TEX36: variants seen among roughly 807,000 people sequenced by gnomAD.
The protein encoded by TEX36 is testis-expressed protein 36.
In TEX36, 12 loss-of-function variants were observed where a neutral mutation model predicts 13.6. The observed-to-expected ratio is 0.88, with a 90% CI of 0.56 to 1.43. The LOEUF (loss-of-function observed/expected upper bound fraction) is 1.43. TEX36 is among the 40% of genes most tolerant of loss of function. TEX36 has a pLI of 0.00. For missense variants in TEX36, 224 were observed against 228.3 expected (o/e 0.98, Z 0.12); for synonymous variants, 93 against 83.0 (o/e 1.12, Z -0.65).
At chr10:125,658,662 A>C (rs1347396103) in intron 3 of TEX36, among the ~76,000 whole-genome samples, 1 of 152,158 alleles carries the variant, frequency 6.6e-6, no homozygotes, top group Non-Finnish European at 1.5e-5. Context: ...TGAGAATCTT[A>C]GATTATACTC....
chr10:125,632,794 G>A (rs2133568549), intron 3 of TEX36, among the ~76,000 whole-genome samples: 1 of 152,244 alleles, frequency 6.6e-6, no homozygotes, highest in East Asian at 1.9e-4. Context: ...GAATAAGCCA[G>A]CTCATGTCTC....
intron 1 of TEX36, among the ~76,000 whole-genome samples, chr10:125,673,853 A>AT (rs1022804756): frequency 6.6e-6 from 1 of 151,256 alleles, no homozygotes; most frequent in African/African-American, 2.4e-5. Context: ...TGACCTTAAC[A>AT]TTTTTTCCTT....
intron 3 of TEX36, among the ~76,000 whole-genome samples, chr10:125,594,016 G>A (rs1846051965): frequency 6.6e-6 from 1 of 152,234 alleles, no homozygotes; most frequent in African/African-American, 2.4e-5. Context: ...GAGTAGCACA[G>A]GAGACAGGCG....
rs181373910 is a variant in TEX36, at chr10:125,629,901, C to T, written c.265-8256G>A. Among the ~76,000 whole-genome samples the T allele has an allele frequency of 3.4e-3, 522 of 152,174 alleles. 4 individuals are homozygous for T. Among genetic ancestry groups the T allele is most frequent in the African/African-American group, 0.011 (475 of 41,492 alleles). ...TTTGGATGAAATTTTTTTTAAGTCA[C>T]TGTGAGATACCAGGGTTAGGTCTGA... is the stretch of plus-strand genomic sequence containing the variant. On this transcript the variant is annotated intron_variant, in intron 3 of 3. Coordinates refer to the TEX36 transcript ENST00000526819.
chr10:125,607,987 G>A (rs918267270), intron 3 of TEX36, among the ~76,000 whole-genome samples: 4 of 152,130 alleles, frequency 2.6e-5, no homozygotes, highest in African/African-American at 9.7e-5. Flanking sequence ...ATGGTTTAAT[G>A]AGTACCTACT....
chr10:125,592,072 T>C (rs1254137800), intron 3 of TEX36, among the ~76,000 whole-genome samples: 1 of 152,246 alleles, frequency 6.6e-6, no homozygotes, highest in Non-Finnish European at 1.5e-5. Context: ...CAGTGAGATC[T>C]TGATTATTTC....
intron 1 of TEX36, among the ~76,000 whole-genome samples, chr10:125,682,305 G>T (rs1376048598): frequency 1.3e-5 from 2 of 152,202 alleles, no homozygotes; most frequent in Non-Finnish European, 2.9e-5. Flanking sequence ...CTCTGTAAGT[G>T]ACATCAGAAG....
chr10:125,675,577 T>TA (rs1248059575), intron 1 of TEX36, among the ~76,000 whole-genome samples: 1 of 152,312 alleles, frequency 6.6e-6, no homozygotes, highest in African/African-American at 2.4e-5. Context: ...GATCTATGGA[T>TA]AAAGCATGGT....
intron 3 of TEX36, among the ~76,000 whole-genome samples, chr10:125,604,356 T>C (rs147344869): frequency 1.3e-5 from 2 of 152,180 alleles, no homozygotes; most frequent in African/African-American, 2.4e-5. Flanking sequence ...GAACTGTGCA[T>C]GCAAGGGACT....
intron 1 of TEX36, among the ~76,000 whole-genome samples, chr10:125,681,961 A>G (rs1847401896): frequency 6.6e-6 from 1 of 152,208 alleles, no homozygotes; most frequent in South Asian, 2.1e-4. Context: ...AAGCCTTCAG[A>G]CCCAAATTTG....
chr10:125,650,712 A>G (rs6597717), downstream of TEX36, among the ~76,000 whole-genome samples: 13,547 of 152,092 alleles, frequency 0.089, 1,604 homozygotes, highest in African/African-American at 0.27. Flanking sequence ...GAATCCAGGA[A>G]CTGGCTTTTT....
chr10:125,598,199 T>C (rs1327011087), intron 3 of TEX36, among the ~76,000 whole-genome samples: 1 of 152,216 alleles, frequency 6.6e-6, no homozygotes, highest in Non-Finnish European at 1.5e-5. Context: ...TGTCACGTTC[T>C]CTGGCCTGTC....
intron 3 of TEX36, among the ~76,000 whole-genome samples, chr10:125,582,066 C>T (rs1845890132): frequency 6.6e-6 from 1 of 152,200 alleles, no homozygotes; most frequent in Admixed American, 6.5e-5. Context: ...CCCTACTCAG[C>T]CAGCTGGAGG....
chr10:125,640,793 C>A (rs995955493), intron 3 of TEX36, among the ~76,000 whole-genome samples: 11 of 152,064 alleles, frequency 7.2e-5, no homozygotes, highest in African/African-American at 2.7e-4. Context: ...CATGCTAGGA[C>A]CAAAGACTGT....
intron 3 of TEX36, among the ~76,000 whole-genome samples, chr10:125,606,530 G>T (rs1371045062): frequency 6.6e-6 from 1 of 152,140 alleles, no homozygotes; most frequent in Non-Finnish European, 1.5e-5. Context: ...GGCTACCACG[G>T]TAAACAATAT....
intron 1 of TEX36, chr10:125,667,636 C>T (rs2133602728): frequency 9.7e-6 from 7 of 720,148 alleles, no homozygotes; most frequent in East Asian, 5.0e-5. Flanking sequence ...CCTTGCTGCC[C>T]CCAACACCAC....
chr10:125,602,749 C>A (rs528305880), intron 3 of TEX36, among the ~76,000 whole-genome samples: 1 of 152,360 alleles, frequency 6.6e-6, no homozygotes, highest in Non-Finnish European at 1.5e-5. Context: ...TCCAAACTCT[C>A]TCCATCCAGA....
At position 125,669,492 on chromosome 10, in the gene TEX36, G is replaced by A. The variant is rs9422791; in HGVS notation, c.52-7515C>T. The stretch of plus-strand genomic sequence containing the variant: ...TGAAACTTTGTCTCAAAAAAAAAAA[G>A]AAAAATTCCTCGGCTTTTGCTGTAT... On this transcript the variant is annotated intron_variant, in intron 1 of 3. Transcript: ENST00000368821. Among the ~76,000 whole-genome samples the A allele has an allele frequency of 7.2e-3, 1,076 of 148,456 alleles. 19 individuals carry two copies. Among genetic ancestry groups the A allele is most frequent in the African/African-American group, 0.027 (1,024 of 38,614 alleles).
intron 3 of TEX36, among the ~76,000 whole-genome samples, chr10:125,608,716 C>T (rs1014555480): frequency 2.0e-5 from 3 of 152,190 alleles, no homozygotes; most frequent in Non-Finnish European, 4.4e-5. Flanking sequence ...GAAGTTAGCG[C>T]CATAGACAAA....
Sources: gnomAD v4.1 joint callset for allele counts (sites outside exome capture counted in the v4.1 genomes callset) on GRCh38, gnomAD v4.1.1 for gene constraint, MANE v1.5 for transcripts, NCBI Gene and HGNC (gene_info 2026-07-23, HGNC 2026-07-21) for gene names.